Variants in FGGY observed in about 807,000 individuals in gnomAD.
FGGY encodes the protein FGGY carbohydrate kinase domain containing, also known as FGGY carbohydrate kinase domain-containing protein.
In FGGY, 72 loss-of-function variants were observed where a neutral mutation model predicts 71.3. That is an observed-to-expected ratio of 1.01 (90% CI 0.84 to 1.23). The LOEUF (loss-of-function observed/expected upper bound fraction) is 1.23. Among genes scored for constraint, FGGY ranks in the 50% most tolerant of loss-of-function variants. The pLI is 0.00. For missense variants in FGGY, 668 were observed against 682.3 expected, an observed-to-expected ratio of 0.98 and a Z score of 0.23; for synonymous variants, 251 against 250.3, an observed-to-expected ratio of 1.00 and a Z score of -0.02.
At chr1:59,614,591 G>C (rs1041490561) in intron 9 of FGGY, among the ~76,000 whole-genome samples, 48 of 152,164 alleles carry the variant, frequency 3.2e-4, no homozygotes, top group African/African-American at 1.1e-3. Flanking sequence ...ACTGTCACAA[G>C]ACAGGGATGC....
chr1:59,407,076 C>T (rs1259178066), intron 5 of FGGY, among the ~76,000 whole-genome samples: 2 of 152,186 alleles, frequency 1.3e-5, no homozygotes, highest in African/African-American at 4.8e-5. Context: ...GTATTTGTCC[C>T]TCCCTCTGTC....
chr1:59,410,863 T>G (rs1170983788), intron 5 of FGGY, among the ~76,000 whole-genome samples: 6 of 152,224 alleles, frequency 3.9e-5, no homozygotes, highest in African/African-American at 1.4e-4. Flanking sequence ...AAAAGAATAA[T>G]ATAATGAGTA....
chr1:59,374,816 C>G (rs2058357883), intron 4 of FGGY, among the ~76,000 whole-genome samples: 1 of 148,694 alleles, frequency 6.7e-6, no homozygotes, highest in Admixed American at 6.9e-5. Flanking sequence ...GAACAAAAAA[C>G]CAAACACCGC....
At chr1:59,305,279 T>G (rs1188320325) in intron 1 of FGGY, among the ~76,000 whole-genome samples, 1 of 152,210 alleles carries the variant, frequency 6.6e-6, no homozygotes, top group African/African-American at 2.4e-5. Context: ...TATGTTGAAT[T>G]TTGTCAAATG....
At chr1:59,403,665 C>T (rs186977504) in intron 5 of FGGY, among the ~76,000 whole-genome samples, 1 of 152,300 alleles carries the variant, frequency 6.6e-6, no homozygotes, top group East Asian at 1.9e-4. Context: ...ATCCACAAAG[C>T]GTTGGGCACG....
chr1:59,752,701 A>C (rs957761462), intron 14 of FGGY, among the ~76,000 whole-genome samples: 2 of 152,216 alleles, frequency 1.3e-5, no homozygotes, highest in African/African-American at 4.8e-5. Context: ...TTACAGTGAG[A>C]ATTGGGTGTT....
chr1:59,371,736 A>C (rs1160617189), intron 4 of FGGY, among the ~76,000 whole-genome samples: 1 of 152,170 alleles, frequency 6.6e-6, no homozygotes, highest in African/African-American at 2.4e-5. Flanking sequence ...ATCAAACTAG[A>C]ACTCAGGATT....
intron 8 of FGGY, among the ~76,000 whole-genome samples, chr1:59,590,447 A>C (rs369748591): frequency 6.6e-5 from 10 of 152,166 alleles, no homozygotes; most frequent in Non-Finnish European, 8.8e-5. Flanking sequence ...ATGAGGCCAG[A>C]ATCATCCTGA....
chr1:59,331,193 C>G (rs2048401989), intron 2 of FGGY, among the ~76,000 whole-genome samples: 1 of 152,040 alleles, frequency 6.6e-6, no homozygotes, highest in Non-Finnish European at 1.5e-5. Context: ...GAGGTAGAGG[C>G]TATTTGAGTT....
intron 2 of FGGY, among the ~76,000 whole-genome samples, chr1:59,336,417 T>C (rs1358027067): frequency 6.6e-6 from 1 of 151,206 alleles, no homozygotes; most frequent in Non-Finnish European, 1.5e-5. Flanking sequence ...TTCCAAGTTC[T>C]TTCTATTCAA....
chr1:59,654,233 T>G (rs1176585839), intron 11 of FGGY, among the ~76,000 whole-genome samples: 1 of 152,230 alleles, frequency 6.6e-6, no homozygotes, highest in East Asian at 1.9e-4. Flanking sequence ...TGTGTCCCCC[T>G]TTCTCTTCCA....
At chr1:59,591,719 G>A (rs543064793) in intron 8 of FGGY, among the ~76,000 whole-genome samples, 177 of 152,270 alleles carry the variant, frequency 1.2e-3, no homozygotes, top group African/African-American at 4.0e-3. Context: ...ATGGTGCTGG[G>A]AAAACTGGCT....
Position 59,512,422 on chromosome 1 carries a change from C to G in FGGY, c.782C>G (p.Ala261Gly), listed in dbSNP as rs899344929. The G allele has an allele frequency of 6.2e-7, 1 of 1,613,634 alleles. No homozygotes were observed. The highest frequency in any genetic ancestry group is 8.5e-7 in the Non-Finnish European group (1 of 1,179,724). ...GIAVAASLIDAHAGGLGVIGA... is the reference protein window; with the variant it reads ...GIAVAASLIDGHAGGLGVIGA... Reference sequence around the variant, plus strand: ...GCGGTCGCAGCTTCACTCATTGATGCCCATGCAGGAGGACTAGGTAATCTC... The same window carrying G: ...GCGGTCGCAGCTTCACTCATTGATGGCCATGCAGGAGGACTAGGTAATCTC... Residue 261 changes from alanine (A) to glycine (G), a missense_variant, in exon 7 of 16, where the codon GCC becomes GGC. By Grantham distance (60) the Ala-to-Gly change is moderately conservative. Coordinates refer to ENST00000303721, the MANE Select transcript of FGGY (RefSeq NM_018291.5).
intron 11 of FGGY, among the ~76,000 whole-genome samples, chr1:59,652,838 A>G (rs2097178100): frequency 6.6e-6 from 1 of 152,118 alleles, no homozygotes; most frequent in Non-Finnish European, 1.5e-5. Flanking sequence ...TCTGCGTTTT[A>G]GATTTTCCAG....
At chr1:59,686,436 C>G (rs914052351) in intron 14 of FGGY, among the ~76,000 whole-genome samples, 2 of 152,296 alleles carry the variant, frequency 1.3e-5, no homozygotes, top group Middle Eastern at 6.8e-3. Context: ...TTGGCATCCT[C>G]ATAGCAAAAA....
intron 2 of FGGY, among the ~76,000 whole-genome samples, chr1:59,329,987 G>T (rs763521763): frequency 1.1e-4 from 16 of 152,168 alleles, no homozygotes; most frequent in Admixed American, 2.6e-4. Context: ...CTTCAAGGAA[G>T]GAGCATTTTC....
chr1:59,611,261 C>T (rs1040861812), intron 9 of FGGY, among the ~76,000 whole-genome samples: 5 of 152,180 alleles, frequency 3.3e-5, no homozygotes, highest in African/African-American at 1.2e-4. Flanking sequence ...GGAGACACCT[C>T]CCAGTAGGGG....
At chr1:59,476,732 T>C (rs1281821903) in intron 6 of FGGY, among the ~76,000 whole-genome samples, 1 of 152,248 alleles carries the variant, frequency 6.6e-6, no homozygotes, top group African/African-American at 2.4e-5. Flanking sequence ...TAGTAAATTA[T>C]AGATCTAGAT....
chr1:59,329,663 A>G (rs1239977047), intron 2 of FGGY, among the ~76,000 whole-genome samples: 1 of 152,198 alleles, frequency 6.6e-6, no homozygotes, highest in Non-Finnish European at 1.5e-5. Flanking sequence ...CTTTAGCGTA[A>G]GAATTGTTAC....
Sources: gnomAD v4.1 joint callset for allele counts (sites outside exome capture counted in the v4.1 genomes callset) on GRCh38, gnomAD v4.1.1 for gene constraint, MANE v1.5 for transcripts, NCBI Gene and HGNC (gene_info 2026-07-23, HGNC 2026-07-21) for gene names.